Variants in ZNF518A observed in about 807,000 individuals in gnomAD.
The protein encoded by ZNF518A is zinc finger protein 518A, also known as zinc finger protein 518.
ZNF518A carries 47 observed loss-of-function variants against 102.7 expected under a neutral mutation model. The ratio of observed to expected loss-of-function variants is 0.46; its 90% CI spans 0.36 to 0.58. The LOEUF (loss-of-function observed/expected upper bound fraction) is 0.58, where lower values mean the gene tolerates loss of function less well. Ranked by LOEUF, ZNF518A falls within the 20% of genes least tolerant of loss-of-function variation. The pLI, the probability that ZNF518A is intolerant of heterozygous loss-of-function variation, is 0.00. For missense variants in ZNF518A, 1,793 were observed against 1,699.8 expected (o/e 1.05, Z -0.96); for synonymous variants, 652 against 594.6 (o/e 1.10, Z -1.40).
In ZNF518A at chr10:96,169,013, T is replaced by C. The variant is rs2083158810; in HGVS notation, n.35+12966T>C. On this transcript the variant is annotated intron_variant and non_coding_transcript_variant, in intron 1 of 2. Coordinates refer to the ZNF518A transcript ENST00000442635. The stretch of plus-strand genomic sequence containing the variant: ...TCTGAGACTCATCCTATGGGTATGC[T>C]GGTATTATTACTAACTTATCTATTT... 2.0e-5 allele frequency among the ~76,000 whole-genome samples: 3 copies of C among 152,194 alleles called. No individual in the cohort carries two copies. In the South Asian group the frequency reaches 6.2e-4, roughly 32 times the overall value.
chr10:96,135,713 CTG>C (rs1383789445), intron 3 of ZNF518A, among the ~76,000 whole-genome samples: 1 of 152,216 alleles, frequency 6.6e-6, no homozygotes, highest in Non-Finnish European at 1.5e-5. Flanking sequence ...AGAATAATGA[CTG>C]TGGTGCTTGG....
intron 1 of ZNF518A, chr10:96,192,023 TCTGA>T: frequency 6.2e-7 from 1 of 1,613,836 alleles, no homozygotes; most frequent in East Asian, 2.2e-5. Context: ...TTTGTGTTAT[TCTGA>T]CTGTCAATAA....
chr10:96,130,562 T>G lies in ZNF518A; in HGVS notation c.-643T>G, dbSNP rs1445426758. The G allele has an allele frequency of 1.3e-5, 2 of 152,312 alleles. No homozygotes were observed. Among genetic ancestry groups the G allele is most frequent in the Non-Finnish European group, 2.9e-5 (2 of 68,124 alleles). 9.4% of individuals were successfully genotyped at this position (152,312 alleles called of 1,614,324 possible). A position where few individuals can be genotyped will look rare whatever the true frequency, so the allele number is the denominator to read the frequency against. On this transcript the variant is annotated 5_prime_UTR_variant, in exon 1 of 6. Transcript: ENST00000316045. ...GCTGGGCGCGCGGCGCTCGAAGCAC[T>G]CACTCGGCGGGTTTCGTGGTTGGTG...
rs368233727 is a variant in ZNF518A at position 96,159,063 on chromosome 10, C to G, written c.2741C>G (p.Ser914Cys). The change falls in exon 6 of 6, where the codon TCT becomes TGT. Residue 914 changes from serine to cysteine, a missense_variant. Ser to Cys is a moderately radical substitution (Grantham distance 112). Transcript: ENST00000316045. ...KLRATTQNLG[S>C]FYMQSPLLNS... ...CGAGCCACCACACAAAATTTAGGTT[C>G]TTTTTATATGCAGAGTCCACTTTTA... 44 of 1,613,396 alleles carry G rather than the reference C, an allele frequency of 2.7e-5. No homozygotes were observed. In the African/African-American group the frequency reaches 4.7e-4, roughly 17 times the overall value.
intron 1 of ZNF518A, among the ~76,000 whole-genome samples, chr10:96,183,096 A>G (rs184182488): frequency 5.1e-4 from 78 of 152,218 alleles, no homozygotes; most frequent in African/African-American, 1.6e-3. Flanking sequence ...TAGATTTTCT[A>G]GTTTATTTGT....
chr10:96,203,127 T>A (rs1237306305), intron 1 of ZNF518A, among the ~76,000 whole-genome samples: 1 of 152,232 alleles, frequency 6.6e-6, no homozygotes, highest in Non-Finnish European at 1.5e-5. Context: ...CGTTCATCCT[T>A]GTATCTCCTG....
chr10:96,156,506 C>G lies in ZNF518A; in HGVS notation c.184C>G (p.Leu62Val). The change falls in exon 6 of 6, where the codon CTA (leucine) becomes GTA (valine). Residue 62 changes from leucine to valine, a missense_variant. Physicochemically the swap from Leu to Val is conservative, Grantham distance 32. Around this residue, in one of 3 missense-constraint regions of ZNF518A, gnomAD observed 1,741 missense variants for 1,622.6 expected, o/e 1.07. Transcript: ENST00000316045. ...LPKINIPNEVLLKHEVDKYRK... is the reference protein window; with the variant it reads ...LPKINIPNEVVLKHEVDKYRK... Reference sequence around the variant, plus strand: ...AAAAATAAATATTCCAAATGAAGTCCTATTGAAACATGAAGTTGACAAATA... The same window carrying G: ...AAAAATAAATATTCCAAATGAAGTCGTATTGAAACATGAAGTTGACAAATA... 6.2e-7 allele frequency: 1 copy of G among 1,610,596 alleles called. No individual in the cohort carries two copies. The highest frequency in any genetic ancestry group is 8.5e-7 in the Non-Finnish European group (1 of 1,179,016).
intron 1 of ZNF518A, among the ~76,000 whole-genome samples, chr10:96,184,059 A>G (rs1307158675): frequency 1.3e-5 from 2 of 152,048 alleles, no homozygotes; most frequent in Non-Finnish European, 1.5e-5. Flanking sequence ...TCCCTTTACC[A>G]TTATTTAATG....
At chr10:96,174,213 A>T (rs1439955118) in intron 1 of ZNF518A, among the ~76,000 whole-genome samples, 5 of 124,642 alleles carry the variant, frequency 4.0e-5, no homozygotes, top group Non-Finnish European at 7.8e-5. Flanking sequence ...ACAATAAACA[A>T]GAAGAAAGAT....
chr10:96,202,761 T>G (rs11188664), intron 1 of ZNF518A, among the ~76,000 whole-genome samples: 54,910 of 152,030 alleles, frequency 0.36, 10,525 homozygotes, highest in Admixed American at 0.46. Context: ...CAGGGCAGTT[T>G]GTGGTTTCTG....
chr10:96,200,284 G>T lies in ZNF518A; in HGVS notation n.36-3290G>T, dbSNP rs756045179. The T allele has an allele frequency of 3.1e-6, 2 of 652,706 alleles. No individual in the cohort carries two copies. The highest frequency in any genetic ancestry group is 2.7e-6 in the Non-Finnish European group (1 of 370,760). The allele number at this position is 652,706 out of a possible 1,614,324, so 40.4% of individuals were successfully genotyped here. ...TCTACATTTACACCAATAATTTTAA[G>T]ATGAGTTTTATTTTTCCTTTGATCA... On this transcript the variant is annotated intron_variant and non_coding_transcript_variant, in intron 1 of 2. Transcript: ENST00000442635. This position sits in a 1 kb window ranked among gnomAD's most constrained non-coding sequence, Gnocchi z 4.3.
intron 1 of ZNF518A, among the ~76,000 whole-genome samples, chr10:96,184,662 G>A (rs970871690): frequency 3.9e-5 from 6 of 152,194 alleles, no homozygotes; most frequent in Admixed American, 6.5e-5. Flanking sequence ...AGTTTCTGCT[G>A]AGAGATCTGC....
At chr10:96,190,148 C>T (rs1409462546) in intron 1 of ZNF518A, 2 of 968,270 alleles carry the variant, frequency 2.1e-6, no homozygotes, top group Non-Finnish European at 3.3e-6. Flanking sequence ...TCTTTGTCGG[C>T]CTTTAGTTCA....
chr10:96,185,313 A>G (rs1236052055), intron 1 of ZNF518A, among the ~76,000 whole-genome samples: 3 of 152,160 alleles, frequency 2.0e-5, no homozygotes, highest in African/African-American at 7.2e-5. Flanking sequence ...TCAGTTCATC[A>G]AAGTCATTCT....
downstream of ZNF518A, chr10:96,204,132 T>C: frequency 1.2e-6 from 2 of 1,608,266 alleles, no homozygotes; most frequent in South Asian, 1.1e-5. Flanking sequence ...AAGCACAATA[T>C]GAGTAAGTTT....
At chr10:96,133,518 A>G (rs1454578797) in intron 2 of ZNF518A, 65 bp from the exon 3 acceptor site, 2 of 152,196 alleles carry the variant, frequency 1.3e-5, no homozygotes, top group African/African-American at 4.8e-5. Flanking sequence ...TATTGTACCC[A>G]TGTAAAAAAA....
rs2083079371 is a variant in ZNF518A, at chr10:96,163,598, TGGG to T, written c.*2828_*2830del. 1 of 166,980 alleles carries T rather than the reference TGGG, an allele frequency of 6.0e-6. No individual in the cohort carries two copies. Among genetic ancestry groups the T allele is most frequent in the African/African-American group, 2.4e-5 (1 of 41,414 alleles). 10.3% of individuals were successfully genotyped at this position (166,980 alleles called of 1,614,324 possible). A position where few individuals can be genotyped will look rare whatever the true frequency, so the allele number is the denominator to read the frequency against. On this transcript the variant is annotated 3_prime_UTR_variant, in exon 6 of 6. Coordinates refer to ENST00000316045, the MANE Select transcript of ZNF518A (RefSeq NM_001330736.2). ...TTTTTTTAATGGAAAATATTTTCAT[TGGG>T]GGGTTAGCAAATTTTTTCAATAAAG...
downstream of ZNF518A, among the ~76,000 whole-genome samples, chr10:96,164,422 A>G (rs1301106282): frequency 1.3e-5 from 2 of 152,178 alleles, no homozygotes; most frequent in African/African-American, 4.8e-5. Flanking sequence ...GGGATTTTTC[A>G]GGGTGGTATT....
In ZNF518A at chr10:96,159,043, C is replaced by A; in HGVS notation, c.2721C>A (p.Ala907=). 1 of 1,613,550 alleles carries A rather than the reference C, an allele frequency of 6.2e-7. No homozygotes were observed. Reference sequence around the variant, plus strand: ...AGCTTGTAAAAGACAAACTACGAGCCACCACACAAAATTTAGGTTCTTTTT... The same window carrying A: ...AGCTTGTAAAAGACAAACTACGAGCAACCACACAAAATTTAGGTTCTTTTT... ...TQQLVKDKLR[A]TTQNLGSFYM... Residue 907 remains alanine (A), a synonymous_variant, in exon 6 of 6, where the codon GCC becomes GCA. Coordinates refer to ENST00000316045, the MANE Select transcript of ZNF518A (RefSeq NM_001330736.2).
Sources: allele counts gnomAD v4.1 joint callset (sites outside exome capture counted in the v4.1 genomes callset), GRCh38; gene constraint gnomAD v4.1.1; regional missense constraint gnomAD v4.1.1; non-coding constraint Gnocchi (gnomAD v3.1); transcripts MANE v1.5; gene names NCBI Gene and HGNC (gene_info 2026-07-23, HGNC 2026-07-21).